Variants in FOXN3 observed in about 807,000 individuals in gnomAD.
FOXN3 encodes the protein forkhead box N3.
A neutral mutation model predicts 38.4 loss-of-function variants in FOXN3; 7 were observed. That is an observed-to-expected ratio of 0.18 (90% confidence interval 0.10 to 0.34). The LOEUF (loss-of-function observed/expected upper bound fraction) is 0.34. Ranked by LOEUF, FOXN3 falls within the 10% of genes least tolerant of loss-of-function variation. The pLI, the probability that FOXN3 is intolerant of heterozygous loss-of-function variation, is 1.00. For synonymous variants in FOXN3, 230 were observed against 242.2 expected, an observed-to-expected ratio of 0.95 and a Z score of 0.47; for missense variants, 456 against 613.4, an observed-to-expected ratio of 0.74 and a Z score of 2.71.
At chr14:89,440,304 G>T (rs1055593676) in intron 1 of FOXN3, among the ~76,000 whole-genome samples, 3 of 152,080 alleles carry the variant, frequency 2.0e-5, no homozygotes, top group African/African-American at 7.3e-5. Flanking sequence ...ACCTTTATAG[G>T]CCTTGGGGAT....
rs200631209 is a variant in FOXN3 at position 89,161,588 on chromosome 14, TGTGTGTGTGC to T, written c.*816_*825del. The T allele has an allele frequency of 0.014, 2,022 of 144,962 alleles. 24 individuals carry two copies. The highest frequency in any genetic ancestry group is 0.037 in the Middle Eastern group (10 of 270). 9.0% of individuals were successfully genotyped at this position (144,962 alleles called of 1,614,324 possible). ...GTGTGTGTGTGTGTGTGTGTGTGTG[TGTGTGTGTGC>T]GTGCGTGCACAGGGCCAATCTTCAG... On this transcript the variant is annotated 3_prime_UTR_variant, in exon 6 of 6. Transcript: ENST00000557258.
chr14:89,393,807 A>G (rs1241494934), intron 2 of FOXN3, among the ~76,000 whole-genome samples: 1 of 152,242 alleles, frequency 6.6e-6, no homozygotes, highest in Admixed American at 6.5e-5. Flanking sequence ...CAGAGGGGCA[A>G]AAGTAGAGGA....
chr14:89,169,828 C>T lies in FOXN3; in HGVS notation c.852-6859G>A, dbSNP rs180759833. Among the ~76,000 whole-genome samples, 621 of 151,598 alleles carry T rather than the reference C, an allele frequency of 4.1e-3. 8 individuals are homozygous for T. Among genetic ancestry groups the T allele is most frequent in the African/African-American group, 0.014 (595 of 41,338 alleles). On this transcript the variant is annotated intron_variant, in intron 5 of 5. Transcript: ENST00000557258. Reference sequence around the variant, plus strand: ...AATCAATTTAAAATAATGCTAGAAACAAAAAAGAATCTGAAAAAATAGGGC... The same window carrying T: ...AATCAATTTAAAATAATGCTAGAAATAAAAAAGAATCTGAAAAAATAGGGC...
chr14:89,359,066 G>A (rs1295153875), intron 2 of FOXN3, among the ~76,000 whole-genome samples: 1 of 152,132 alleles, frequency 6.6e-6, no homozygotes, highest in Non-Finnish European at 1.5e-5. Context: ...CCAGCACTTT[G>A]GAAGGCAGAG....
In FOXN3 at chr14:89,332,203, G is replaced by T. The variant is rs527910968; in HGVS notation, c.680+18469C>A. On this transcript the variant is annotated intron_variant, in intron 3 of 5. Coordinates refer to ENST00000557258, the MANE Select transcript of FOXN3 (RefSeq NM_005197.4). ...TAATTCTCAACATGTATTTTCTGTTGAACAGCGCAGAGAGGGGCAGACACC... is the reference window on the plus strand; with the variant it reads ...TAATTCTCAACATGTATTTTCTGTTTAACAGCGCAGAGAGGGGCAGACACC... Among the ~76,000 whole-genome samples, 202 of 152,194 alleles carry T rather than the reference G, an allele frequency of 1.3e-3. 1 individual carries two copies. The highest frequency in any genetic ancestry group is 4.6e-3 in the African/African-American group (189 of 41,522).
intron 4 of FOXN3, among the ~76,000 whole-genome samples, chr14:89,205,355 G>A (rs1219401288): frequency 2.0e-5 from 3 of 152,144 alleles, no homozygotes; most frequent in African/African-American, 7.2e-5. Flanking sequence ...GTACAGAAGG[G>A]CGGGGTCCCT....
At chr14:89,268,740 T>G (rs1886058280) in intron 4 of FOXN3, among the ~76,000 whole-genome samples, 1 of 151,992 alleles carries the variant, frequency 6.6e-6, no homozygotes, top group African/African-American at 2.4e-5. Flanking sequence ...TGCCTATCCC[T>G]CCACCAGTCA....
At chr14:89,366,079 G>A (rs544589882) in intron 2 of FOXN3, among the ~76,000 whole-genome samples, 3 of 152,052 alleles carry the variant, frequency 2.0e-5, no homozygotes, top group South Asian at 4.2e-4. Flanking sequence ...GTGAAACCCC[G>A]TCTCTACTGA....
In FOXN3 at chr14:89,347,675, C is replaced by T. The variant is rs574341145; in HGVS notation, c.680+2997G>A. Among the ~76,000 whole-genome samples the T allele has an allele frequency of 2.0e-3, 310 of 152,322 alleles. 1 individual carries two copies. The highest frequency in any genetic ancestry group is 7.1e-3 in the African/African-American group (294 of 41,572). ...CACTTTAGAAAACAGAGGCATGGGCCGGGCGCGGTGGCTCACGCCTGTAAT... is the reference window on the plus strand; with the variant it reads ...CACTTTAGAAAACAGAGGCATGGGCTGGGCGCGGTGGCTCACGCCTGTAAT... On this transcript the variant is annotated intron_variant, in intron 3 of 5. Coordinates refer to ENST00000557258, the MANE Select transcript of FOXN3 (RefSeq NM_005197.4).
chr14:89,475,622 T>C (rs1893194694), intron 1 of FOXN3, among the ~76,000 whole-genome samples: 1 of 152,058 alleles, frequency 6.6e-6, no homozygotes, highest in Non-Finnish European at 1.5e-5. Context: ...ACCACAGCAC[T>C]CCAGCCTGGC....
At chr14:89,315,970 G>C (rs1887706380) in intron 3 of FOXN3, among the ~76,000 whole-genome samples, 1 of 152,078 alleles carries the variant, frequency 6.6e-6, no homozygotes, top group Non-Finnish European at 1.5e-5. Context: ...CTTCTCCCAA[G>C]ATCCTAGATA....
intron 1 of FOXN3, among the ~76,000 whole-genome samples, chr14:89,465,228 T>TTTTGTTTTGTTTTGTTTTGTTTTG (rs1892951605): frequency 6.6e-6 from 1 of 151,914 alleles, no homozygotes; most frequent in Admixed American, 6.6e-5. Flanking sequence ...TCTTTGTTTT[T>TTTTGTTTTGTTTTGTTTTGTTTTG]TTTTGTTTTG....
At position 89,484,170 on chromosome 14, in the gene FOXN3, C is replaced by G. The variant is rs1893397675; in HGVS notation, c.-14-71680G>C. ...CGCTTTCTCACTCCAGAAAATCCCC[C>G]CTTCTGCTCCTTCCTATTCTAATCC... is the stretch of plus-strand genomic sequence containing the variant. On this transcript the variant is annotated intron_variant, in intron 1 of 6. Transcript: ENST00000345097. The surrounding 1 kb of genome is among the most constrained non-coding windows in gnomAD (Gnocchi z 4.0). 6.6e-6 allele frequency among the ~76,000 whole-genome samples: 1 copy of G among 152,178 alleles called. No homozygotes were observed. Among genetic ancestry groups the G allele is most frequent in the Admixed American group, 6.5e-5 (1 of 15,272 alleles).
chr14:89,364,566 T>A lies in FOXN3; in HGVS notation c.544-13758A>T, dbSNP rs533168644. ...CAGGAGCTGGATACAGAGTCCCTGA[T>A]AATCCCAGCCACAGAATATTTCAAA... On this transcript the variant is annotated intron_variant, in intron 2 of 5. Coordinates refer to ENST00000557258, the MANE Select transcript of FOXN3 (RefSeq NM_005197.4). The A allele has an allele frequency of 5.3e-5, 8 of 152,354 alleles. No individual in the cohort carries two copies. The South Asian group carries it at 8.3e-4, about 16-fold the overall frequency. The allele number at this position is 152,354 out of a possible 1,614,324, so 9.4% of individuals were successfully genotyped here.
intron 3 of FOXN3, among the ~76,000 whole-genome samples, chr14:89,325,364 C>A (rs1271912900): frequency 6.8e-6 from 1 of 148,000 alleles, no homozygotes; most frequent in Non-Finnish European, 1.5e-5. Context: ...ACCACCACTA[C>A]CACCACCGCC....
At chr14:89,487,868 G>A (rs780438160) in intron 1 of FOXN3, among the ~76,000 whole-genome samples, 2 of 152,056 alleles carry the variant, frequency 1.3e-5, no homozygotes, top group Non-Finnish European at 2.9e-5. Context: ...CGAAAGGAAG[G>A]CATCATGAAG....
chr14:89,285,656 C>T (rs1219085198), intron 3 of FOXN3, among the ~76,000 whole-genome samples: 1 of 151,730 alleles, frequency 6.6e-6, no homozygotes, highest in Non-Finnish European at 1.5e-5. Context: ...CTAGAGTAGA[C>T]AAATTCACAG....
At chr14:89,248,329 C>T (rs957255152) in intron 4 of FOXN3, among the ~76,000 whole-genome samples, 11 of 152,202 alleles carry the variant, frequency 7.2e-5, no homozygotes, top group African/African-American at 1.2e-4. Context: ...TTCCACCTTC[C>T]ATACTTTTGC....
At chr14:89,456,332 G>T (rs926417629) in intron 1 of FOXN3, among the ~76,000 whole-genome samples, 3 of 152,154 alleles carry the variant, frequency 2.0e-5, no homozygotes, top group African/African-American at 4.8e-5. Context: ...ATACCAGGCT[G>T]CTGTTGCCTG....
Sources: allele counts gnomAD v4.1 joint callset (sites outside exome capture counted in the v4.1 genomes callset), GRCh38; gene constraint gnomAD v4.1.1; non-coding constraint Gnocchi (gnomAD v3.1); transcripts MANE v1.5; gene names NCBI Gene and HGNC (gene_info 2026-07-23, HGNC 2026-07-21).